The following PPP2R5C variants were observed in gnomAD, a reference collection of about 807,000 sequenced individuals.
The protein encoded by PPP2R5C is protein phosphatase 2 regulatory subunit B'gamma.
Under a neutral mutation model 68.9 loss-of-function variants are expected in PPP2R5C, and 7 were observed. That is an observed-to-expected ratio of 0.10 (90% CI 0.06 to 0.19). The LOEUF is 0.19. Among genes scored for constraint, PPP2R5C ranks in the 10% least tolerant of loss-of-function variants. The pLI, the probability that PPP2R5C is intolerant of heterozygous loss-of-function variation, is 1.00. For missense variants in PPP2R5C, 348 were observed against 641.3 expected (o/e 0.54, Z 4.94); for synonymous variants, 210 against 222.2 (o/e 0.95, Z 0.49).
chr14:101,834,102 C>G (rs2040933917), intron 1 of PPP2R5C, among the ~76,000 whole-genome samples: 1 of 152,222 alleles, frequency 6.6e-6, no homozygotes, highest in Non-Finnish European at 1.5e-5. Flanking sequence ...AGCCACCACA[C>G]CCGGCCTGAA....
At chr14:101,867,717 G>T (rs1159313058) in intron 2 of PPP2R5C, among the ~76,000 whole-genome samples, 1 of 152,110 alleles carries the variant, frequency 6.6e-6, no homozygotes, top group Non-Finnish European at 1.5e-5. Context: ...GGTGGAGGTT[G>T]CAGTGAGCCA....
At chr14:101,846,817 A>C (rs1052236424) in intron 1 of PPP2R5C, among the ~76,000 whole-genome samples, 1 of 152,192 alleles carries the variant, frequency 6.6e-6, no homozygotes, top group Non-Finnish European at 1.5e-5. Context: ...TCTTGGTTTC[A>C]GTTCACCCAT....
Position 101,825,528 on chromosome 14 carries a change from A to G in PPP2R5C, c.94+15492A>G, listed in dbSNP as rs2040347811. Among the ~76,000 whole-genome samples, 1 of 152,184 alleles carries G rather than the reference A, an allele frequency of 6.6e-6. No homozygotes were observed. Among genetic ancestry groups the G allele is most frequent in the African/African-American group, 2.4e-5 (1 of 41,434 alleles). On this transcript the variant is annotated intron_variant, in intron 1 of 13. Transcript: ENST00000334743. The surrounding 1 kb of genome is among the most constrained non-coding windows in gnomAD (Gnocchi z 4.0). ...TTTGGGGTGCACACGCTCATCGATG[A>G]GGGCAACAGAACACAGCATGCAGGC...
intron 2 of PPP2R5C, among the ~76,000 whole-genome samples, chr14:101,784,572 C>T (rs1042029476): frequency 2.6e-5 from 4 of 152,004 alleles, no homozygotes; most frequent in African/African-American, 7.2e-5. Context: ...CACTCACTAT[C>T]ACAAGAACAG....
Position 101,810,304 on chromosome 14 carries a change from G to C in PPP2R5C, c.94+268G>C, listed in dbSNP as rs879088088. 3 of 404,176 alleles carry C rather than the reference G, an allele frequency of 7.4e-6. No homozygotes were observed. In the Admixed American group the frequency reaches 1.3e-4, roughly 18 times the overall value. The allele number at this position is 404,176 out of a possible 1,614,324, so 25.0% of individuals were successfully genotyped here. On this transcript the variant is annotated intron_variant, in intron 1 of 13. Transcript: ENST00000334743. ...CTCGCTCTCCCATCCCCCTTTCAAA[G>C]CTGTGCTGATGTCAAAGGATGTGAA...
intron 10 of PPP2R5C, among the ~76,000 whole-genome samples, chr14:101,909,146 A>AT (rs2046246304): frequency 1.3e-5 from 2 of 152,132 alleles, no homozygotes; most frequent in African/African-American, 2.4e-5. Context: ...TTTTATGCTC[A>AT]TTTTATTTTC....
chr14:101,903,512 C>T (rs2045836624), intron 9 of PPP2R5C, among the ~76,000 whole-genome samples: 1 of 152,230 alleles, frequency 6.6e-6, no homozygotes, highest in Admixed American at 6.5e-5. Flanking sequence ...AGGACCCACT[C>T]AGGCCTTCAG....
At chr14:101,926,333 G>A (rs1167260464) in exon 14 of PPP2R5C, 3 of 152,664 alleles carry the variant, frequency 2.0e-5, no homozygotes, top group Admixed American at 6.5e-5. Flanking sequence ...CGAGGATGAC[G>A]TTTAGTGGAG....
chr14:101,842,726 A>C (rs1441123653), intron 1 of PPP2R5C, among the ~76,000 whole-genome samples: 1 of 147,726 alleles, frequency 6.8e-6, no homozygotes, highest in African/African-American at 2.5e-5. Context: ...TTAGCTCGGG[A>C]GGGCATGGAT....
chr14:101,879,064 C>A lies in PPP2R5C; in HGVS notation c.295-3097C>A, dbSNP rs1054870412. 2.0e-5 allele frequency among the ~76,000 whole-genome samples: 3 copies of A among 152,232 alleles called. No homozygotes were observed. The highest frequency in any genetic ancestry group is 4.8e-5 in the African/African-American group (2 of 41,466). On this transcript the variant is annotated intron_variant, in intron 2 of 13. Transcript: ENST00000334743. This position sits in a 1 kb window ranked among gnomAD's most constrained non-coding sequence, Gnocchi z 4.2. The stretch of plus-strand genomic sequence containing the variant: ...TCTAGGTTAAAGCTTTCATCTCAGA[C>A]CCTCTGCAAATGGCATCTAAGCCGC...
chr14:101,827,619 T>G (rs1380382395), intron 1 of PPP2R5C, among the ~76,000 whole-genome samples: 2 of 152,328 alleles, frequency 1.3e-5, no homozygotes, highest in African/African-American at 4.8e-5. Context: ...TAAAATAGAT[T>G]TGGATCTTGT....
chr14:101,801,401 G>T (rs2038856608), intron 3 of PPP2R5C, among the ~76,000 whole-genome samples: 1 of 152,122 alleles, frequency 6.6e-6, no homozygotes, highest in South Asian at 2.1e-4. Context: ...TGACACTGTG[G>T]ATATTTGGGG....
intron 2 of PPP2R5C, among the ~76,000 whole-genome samples, chr14:101,785,780 G>A (rs962045206): frequency 1.3e-5 from 2 of 152,134 alleles, no homozygotes; most frequent in Non-Finnish European, 2.9e-5. Context: ...TAAATATTTA[G>A]CAATCAAAAG....
intron 1 of PPP2R5C, among the ~76,000 whole-genome samples, chr14:101,853,242 T>A (rs893726973): frequency 5.3e-5 from 8 of 152,032 alleles, no homozygotes; most frequent in Non-Finnish European, 8.8e-5. Context: ...AGGTTTTTTT[T>A]AAAACAGTAA....
At chr14:101,786,239 A>G in intron 3 of PPP2R5C, 56 bp downstream of exon 3, 2 of 1,407,272 alleles carry the variant, frequency 1.4e-6, no homozygotes, top group Non-Finnish European at 9.5e-7. Context: ...TGAAGGAGCA[A>G]TGTTTTGATA....
At chr14:101,842,202 T>C (rs949790512) in intron 1 of PPP2R5C, among the ~76,000 whole-genome samples, 1 of 152,106 alleles carries the variant, frequency 6.6e-6, no homozygotes, top group Non-Finnish European at 1.5e-5. Flanking sequence ...AGTGGAAAAA[T>C]GAACCTTTTA....
chr14:101,781,657 C>T lies in PPP2R5C; in HGVS notation c.94-4361C>T, dbSNP rs2037698986. 1.3e-5 allele frequency among the ~76,000 whole-genome samples: 2 copies of T among 152,130 alleles called. No homozygotes were observed. The highest frequency in any genetic ancestry group is 2.4e-5 in the African/African-American group (1 of 41,416). ...GGAGCCTCCGGCATGGGCCCCAGGC[C>T]GGGGTCCCGCCTTTGCCCCGGCCTC... is the stretch of plus-strand genomic sequence containing the variant. On this transcript the variant is annotated intron_variant, in intron 2 of 14. Coordinates refer to the PPP2R5C transcript ENST00000328724. This position sits in a 1 kb window ranked among gnomAD's most constrained non-coding sequence, Gnocchi z 6.4.
chr14:101,876,923 TAAAA>T (rs1454000114), intron 2 of PPP2R5C, among the ~76,000 whole-genome samples: 1 of 123,478 alleles, frequency 8.1e-6, no homozygotes, highest in South Asian at 2.5e-4. Context: ...ATGCAAAAAA[TAAAA>T]AAAGGATTTA....
chr14:101,875,535 A>G (rs954035418), intron 2 of PPP2R5C, among the ~76,000 whole-genome samples: 2 of 152,100 alleles, frequency 1.3e-5, no homozygotes, highest in Non-Finnish European at 2.9e-5. Flanking sequence ...CCCAGGATCC[A>G]TTTACTCTCA....
Sources: gnomAD v4.1 joint callset for allele counts (sites outside exome capture counted in the v4.1 genomes callset) on GRCh38, gnomAD v4.1.1 for gene constraint, Gnocchi (gnomAD v3.1) non-coding constraint, MANE v1.5 for transcripts, NCBI Gene and HGNC (gene_info 2026-07-23, HGNC 2026-07-21) for gene names.